The following RIMS2 variants were observed in gnomAD, a reference collection of about 807,000 sequenced individuals.
RIMS2 encodes the protein regulating synaptic membrane exocytosis protein 2.
A neutral mutation model predicts 174.4 loss-of-function variants in RIMS2; 59 were observed. That is an observed-to-expected ratio of 0.34 (90% CI 0.27 to 0.42). The LOEUF is 0.42. RIMS2 is among the 10% of genes least tolerant of loss of function. The pLI is 1.00. For missense variants in RIMS2, 1,620 were observed against 1,666.3 expected (o/e 0.97, Z 0.48); for synonymous variants, 606 against 572.5 (o/e 1.06, Z -0.84).
chr8:104,253,063 T>G (rs2140356654), downstream of RIMS2: 1 of 152,328 alleles, frequency 6.6e-6, no homozygotes, highest in South Asian at 2.1e-4. Flanking sequence ...TGGGAGTACA[T>G]TAAAGTAAGT....
intron 19 of RIMS2, among the ~76,000 whole-genome samples, chr8:104,056,380 G>A (rs559145560): frequency 6.6e-6 from 1 of 151,408 alleles, no homozygotes; most frequent in South Asian, 2.1e-4. Context: ...CCCCAGCCTG[G>A]GTGACAGAGT....
chr8:103,834,728 CTTTCTTTCTTTCTT>C (rs2098854102), intron 3 of RIMS2, among the ~76,000 whole-genome samples: 3 of 120,948 alleles, frequency 2.5e-5, no homozygotes, highest in South Asian at 5.4e-4. Context: ...TTCTTTCTTT[CTTTCTTTCTTTCTT>C]TCTCTCTCTT....
chr8:104,148,067 T>A (rs2098657437), intron 19 of RIMS2, among the ~76,000 whole-genome samples: 1 of 152,020 alleles, frequency 6.6e-6, no homozygotes, highest in Non-Finnish European at 1.5e-5. Flanking sequence ...TCAAAGCTAA[T>A]GAAAATAGCA....
intron 1 of RIMS2, among the ~76,000 whole-genome samples, chr8:103,601,405 CTT>C (rs2094730574): frequency 6.6e-6 from 1 of 152,160 alleles, no homozygotes; most frequent in African/African-American, 2.4e-5. Context: ...GGATTGAACA[CTT>C]TATCATATAA....
At chr8:104,178,381 C>G (rs2098918330) in intron 19 of RIMS2, among the ~76,000 whole-genome samples, 1 of 152,142 alleles carries the variant, frequency 6.6e-6, no homozygotes, top group South Asian at 2.1e-4. Context: ...ATTTTCAAAG[C>G]CAGCAATGGT....
chr8:103,864,844 C>T (rs748250354), intron 3 of RIMS2, among the ~76,000 whole-genome samples: 84 of 151,962 alleles, frequency 5.5e-4, no homozygotes, highest in African/African-American at 3.6e-4. Context: ...GCTTGTGCAC[C>T]GAACTATTCT....
intron 2 of RIMS2, among the ~76,000 whole-genome samples, chr8:103,703,229 G>A (rs73289986): frequency 3.5e-4 from 53 of 150,918 alleles, no homozygotes; most frequent in African/African-American, 1.2e-3. Context: ...CATTGTTTTT[G>A]TTTGTTTGTT....
chr8:104,123,798 C>G (rs1175578593), intron 19 of RIMS2, among the ~76,000 whole-genome samples: 1 of 151,972 alleles, frequency 6.6e-6, no homozygotes, highest in Non-Finnish European at 1.5e-5. Context: ...TACTTCAAAT[C>G]TTGTAGGAAA....
chr8:103,560,932 C>T (rs1216322460), intron 1 of RIMS2, among the ~76,000 whole-genome samples: 1 of 152,172 alleles, frequency 6.6e-6, no homozygotes, highest in African/African-American at 2.4e-5. Context: ...AAAAACCAGA[C>T]ATCAGTGAAA....
chr8:104,114,552 AT>A (rs1262996538), intron 19 of RIMS2, among the ~76,000 whole-genome samples: 1 of 151,980 alleles, frequency 6.6e-6, no homozygotes, highest in Non-Finnish European at 1.5e-5. Flanking sequence ...ACTATAAAGC[AT>A]TTTATTAATC....
At chr8:104,227,238 C>T (rs2099193834) in intron 19 of RIMS2, among the ~76,000 whole-genome samples, 1 of 136,430 alleles carries the variant, frequency 7.3e-6, no homozygotes, top group African/African-American at 2.9e-5. Context: ...CATCCTTTTC[C>T]CTGGGTGTAT....
intron 1 of RIMS2, among the ~76,000 whole-genome samples, chr8:103,614,797 G>A (rs148760028): frequency 4.7e-4 from 71 of 152,288 alleles, no homozygotes; most frequent in Admixed American, 2.5e-3. Context: ...TGCAGAAGTC[G>A]CATGAAATTA....
intron 19 of RIMS2, among the ~76,000 whole-genome samples, chr8:104,120,389 GA>G (rs1375668252): frequency 2.6e-5 from 4 of 151,984 alleles, no homozygotes; most frequent in African/African-American, 9.7e-5. Flanking sequence ...GCAATTTCTT[GA>G]AAAAGTGTCT....
At chr8:103,660,395 C>CCTT (rs2096584328) in intron 1 of RIMS2, among the ~76,000 whole-genome samples, 1 of 152,190 alleles carries the variant, frequency 6.6e-6, no homozygotes, top group Non-Finnish European at 1.5e-5. Flanking sequence ...AGCTCTGGTA[C>CCTT]CTTCTGTAGG....
chr8:104,254,701 A>C (rs1471085613), downstream of RIMS2: 2 of 152,180 alleles, frequency 1.3e-5, no homozygotes, highest in African/African-American at 4.8e-5. Context: ...AGCAACTCAC[A>C]GATTTTTTGA....
chr8:103,572,760 T>C (rs937223798), intron 1 of RIMS2, among the ~76,000 whole-genome samples: 2 of 152,108 alleles, frequency 1.3e-5, no homozygotes, highest in Admixed American at 6.5e-5. Context: ...TCATTTATTT[T>C]TTATTTGTCA....
intron 19 of RIMS2, among the ~76,000 whole-genome samples, chr8:104,042,043 T>C (rs1410624138): frequency 1.3e-5 from 2 of 151,456 alleles, no homozygotes; most frequent in Non-Finnish European, 3.0e-5. Context: ...CTCCCTATCC[T>C]TGCAGGCGTT....
At chr8:104,123,901 A>G (rs909092728) in intron 19 of RIMS2, among the ~76,000 whole-genome samples, 1 of 152,146 alleles carries the variant, frequency 6.6e-6, no homozygotes, top group Admixed American at 6.5e-5. Flanking sequence ...CCAACACATG[A>G]AAAAATTCTA....
chr8:103,959,353 GCTTT>G (rs983546329), intron 14 of RIMS2, among the ~76,000 whole-genome samples: 9 of 151,802 alleles, frequency 5.9e-5, no homozygotes, highest in African/African-American at 2.2e-4. Flanking sequence ...TTTATACTCT[GCTTT>G]CTGTCTGCTT....
Sources: gnomAD v4.1 joint callset for allele counts (sites outside exome capture counted in the v4.1 genomes callset) on GRCh38, gnomAD v4.1.1 for gene constraint, MANE v1.5 for transcripts, NCBI Gene and HGNC (gene_info 2026-07-23, HGNC 2026-07-21) for gene names.